NELL1: variants seen among roughly 807,000 people sequenced by gnomAD.
The protein encoded by NELL1 is protein kinase C-binding protein NELL1.
A neutral mutation model predicts 107.4 loss-of-function variants in NELL1; 76 were observed. The ratio of observed to expected loss-of-function variants is 0.71; its 90% CI spans 0.59 to 0.86. The LOEUF is 0.86. Ranked by LOEUF, NELL1 falls within the 40% of genes least tolerant of loss-of-function variation. NELL1 has a pLI of 0.00. For synonymous variants in NELL1, 353 were observed against 341.2 expected (o/e 1.03, Z -0.38); for missense variants, 1,024 against 1,005.5 (o/e 1.02, Z -0.25).
intron 15 of NELL1, among the ~76,000 whole-genome samples, chr11:21,482,479 C>T (rs1023115627): frequency 1.3e-5 from 2 of 152,136 alleles, no homozygotes; most frequent in South Asian, 2.1e-4. Context: ...TTACACATGT[C>T]GACTACATTT....
At chr11:21,010,837 A>G (rs1852431049) in intron 12 of NELL1, among the ~76,000 whole-genome samples, 1 of 152,050 alleles carries the variant, frequency 6.6e-6, no homozygotes, top group African/African-American at 2.4e-5. Context: ...TAGCTTCCCC[A>G]GTCTTGAGCT....
chr11:21,543,845 C>T (rs1856359198), intron 16 of NELL1, among the ~76,000 whole-genome samples: 1 of 151,968 alleles, frequency 6.6e-6, no homozygotes, highest in South Asian at 2.1e-4. Flanking sequence ...ACCCAAGGTT[C>T]ATTCATTACC....
In NELL1 at chr11:20,915,719, T is replaced by TATATATATATA. The variant is rs1332292027; in HGVS notation, c.604-2463_604-2462insATATATATATA. Among the ~76,000 whole-genome samples, 23 of 24,296 alleles carry TATATATATATA rather than the reference T, an allele frequency of 9.5e-4. 1 individual carries two copies. Among genetic ancestry groups the TATATATATATA allele is most frequent in the East Asian group, 3.4e-3 (2 of 584 alleles). 15.9% of individuals were successfully genotyped at this position (24,296 alleles called of 152,430 possible). On this transcript the variant is annotated intron_variant, in intron 5 of 19. Coordinates refer to ENST00000357134, the MANE Select transcript of NELL1 (RefSeq NM_006157.5). Reference sequence around the variant, plus strand: ...ATAGATGATATATATATATATATATTTTTTTTTTTTTTTTTTGAGAGGAAT... The same window carrying TATATATATATA: ...ATAGATGATATATATATATATATATTATATATATATATTTTTTTTTTTTTTTTGAGAGGAAT...
intron 2 of NELL1, among the ~76,000 whole-genome samples, chr11:20,783,098 C>T (rs1459617734): frequency 1.3e-5 from 2 of 152,162 alleles, no homozygotes; most frequent in East Asian, 3.8e-4. Context: ...TAAGCAAAGG[C>T]AGAGTTGTCT....
chr11:21,381,672 C>A (rs192716595), intron 15 of NELL1, among the ~76,000 whole-genome samples: 132 of 152,026 alleles, frequency 8.7e-4, no homozygotes, highest in Non-Finnish European at 1.6e-3. Flanking sequence ...AAGTCTCTCT[C>A]ATTCTTCTAT....
At chr11:21,104,481 C>T (rs11025922) in intron 12 of NELL1, among the ~76,000 whole-genome samples, 1 of 152,150 alleles carries the variant, frequency 6.6e-6, no homozygotes, top group African/African-American at 2.4e-5. Flanking sequence ...AATGACTTAG[C>T]ATGAATTCCC....
intron 15 of NELL1, among the ~76,000 whole-genome samples, chr11:21,452,597 T>C (rs1272268965): frequency 6.6e-6 from 1 of 152,068 alleles, no homozygotes; most frequent in Non-Finnish European, 1.5e-5. Flanking sequence ...TTTATGGACA[T>C]TTTCAAGGGA....
intron 10 of NELL1, among the ~76,000 whole-genome samples, chr11:20,944,755 C>T (rs1704451497): frequency 6.6e-6 from 1 of 152,134 alleles, no homozygotes; most frequent in East Asian, 1.9e-4. Flanking sequence ...ATGGTAATCA[C>T]AGTTCATATT....
rs186157172 is a variant in NELL1 at position 21,427,264 on chromosome 11, A to G, written c.1645+56316A>G. Among the ~76,000 whole-genome samples the G allele has an allele frequency of 3.3e-5, 5 of 152,332 alleles. No homozygotes were observed. The East Asian group carries it at 9.6e-4, about 29-fold the overall frequency. ...CTTCATTTTTGTTTTGGCAACTGTA[A>G]CATAAAACCTAACAGTAAAGGGGAT... On this transcript the variant is annotated intron_variant, in intron 15 of 19. Coordinates refer to ENST00000357134, the MANE Select transcript of NELL1 (RefSeq NM_006157.5).
At chr11:21,186,171 G>A (rs1057095326) in intron 13 of NELL1, among the ~76,000 whole-genome samples, 1 of 151,872 alleles carries the variant, frequency 6.6e-6, no homozygotes, top group South Asian at 2.1e-4. Context: ...CTTAGGTCAT[G>A]TGACTTCTCC....
rs537918548 is a variant in NELL1 at position 21,145,924 on chromosome 11, A to G, written c.1426+32210A>G. Among the ~76,000 whole-genome samples the G allele has an allele frequency of 1.0e-3, 159 of 152,180 alleles. 1 individual carries two copies. The highest frequency in any genetic ancestry group is 3.4e-3 in the Middle Eastern group (1 of 294). On this transcript the variant is annotated intron_variant, in intron 13 of 19. Transcript: ENST00000357134. ...TTCTTTTATGTCTTTCCCTCATTCT[A>G]TCTTCAGGGTTTAGCCCAGGGCCTA... is the stretch of plus-strand genomic sequence containing the variant.
intron 5 of NELL1, among the ~76,000 whole-genome samples, chr11:20,898,853 T>G (rs1487137512): frequency 6.6e-6 from 1 of 152,110 alleles, no homozygotes; most frequent in African/African-American, 2.4e-5. Flanking sequence ...TAAATAAAAC[T>G]AGGGAAGTCT....
chr11:21,533,322 C>T (rs11026127), intron 15 of NELL1, among the ~76,000 whole-genome samples: 2,559 of 152,088 alleles, frequency 0.017, 33 homozygotes, highest in Non-Finnish European at 0.027. Flanking sequence ...TCTTATAGGC[C>T]CTGTTAAAAG....
Position 20,914,443 on chromosome 11 carries a change from T to C in NELL1, c.604-3739T>C, listed in dbSNP as rs116193990. Among the ~76,000 whole-genome samples the C allele has an allele frequency of 7.7e-3, 1,172 of 152,226 alleles. 18 individuals carry two copies. The highest frequency in any genetic ancestry group is 0.027 in the African/African-American group (1,134 of 41,558). ...TGAAAGCGTTATCAGTAGTAAAGAA[T>C]GTCTGGGTTCTGATAAGGGGTTGTG... On this transcript the variant is annotated intron_variant, in intron 5 of 19. Coordinates refer to ENST00000357134, the MANE Select transcript of NELL1 (RefSeq NM_006157.5).
chr11:21,014,098 T>C (rs1852512237), intron 12 of NELL1, among the ~76,000 whole-genome samples: 1 of 152,156 alleles, frequency 6.6e-6, no homozygotes, highest in Non-Finnish European at 1.5e-5. Context: ...AAATGGAGGC[T>C]GTTTCAGTTG....
intron 2 of NELL1, among the ~76,000 whole-genome samples, chr11:20,726,203 A>C (rs1316854935): frequency 6.6e-6 from 1 of 152,218 alleles, no homozygotes; most frequent in Non-Finnish European, 1.5e-5. Flanking sequence ...ACTGTGATGA[A>C]CATGCAAGCA....
intron 13 of NELL1, among the ~76,000 whole-genome samples, chr11:21,144,542 G>A (rs183411718): frequency 9.2e-5 from 14 of 152,296 alleles, no homozygotes; most frequent in Admixed American, 9.2e-4. Flanking sequence ...GTTAGCAGGA[G>A]CACCCTATCT....
intron 13 of NELL1, among the ~76,000 whole-genome samples, chr11:21,152,075 T>C (rs541073065): frequency 1.3e-5 from 2 of 152,172 alleles, no homozygotes; most frequent in Non-Finnish European, 2.9e-5. Context: ...ATCAGAGTGT[T>C]TAGGCTACTC....
chr11:20,738,949 G>C (rs1022585247), intron 2 of NELL1, among the ~76,000 whole-genome samples: 5 of 152,232 alleles, frequency 3.3e-5, no homozygotes, highest in African/African-American at 1.2e-4. Context: ...ACTGGGAGCA[G>C]AGATACAAGT....
Sources: gnomAD v4.1 joint callset for allele counts (sites outside exome capture counted in the v4.1 genomes callset) on GRCh38, gnomAD v4.1.1 for gene constraint, MANE v1.5 for transcripts, NCBI Gene and HGNC (gene_info 2026-07-23, HGNC 2026-07-21) for gene names.